ERC1: variants seen among roughly 807,000 people sequenced by gnomAD.
ERC1 encodes RAB6 interacting protein 2.
A neutral mutation model predicts 132.0 loss-of-function variants in ERC1; 56 were observed. The ratio of observed to expected loss-of-function variants is 0.42; its 90% confidence interval spans 0.34 to 0.53. ERC1 has a LOEUF of 0.53. ERC1 is among the 20% of genes least tolerant of loss of function. The probability of loss-of-function intolerance (pLI) is 0.03; values close to 1 mark genes in which losing one functional copy is unlikely to be tolerated. For missense variants in ERC1, 1,202 were observed against 1,349.9 expected (o/e 0.89, Z 1.72); for synonymous variants, 478 against 476.1 (o/e 1.00, Z -0.05).
chr12:999,684 C>T (rs1013344977), intron 1 of ERC1, among the ~76,000 whole-genome samples: 2 of 150,404 alleles, frequency 1.3e-5, no homozygotes, highest in Non-Finnish European at 3.0e-5. Context: ...CAACCTCCGC[C>T]TCCCGGGTTC....
chr12:1,243,773 C>T (rs762769308), intron 13 of ERC1, among the ~76,000 whole-genome samples: 7 of 152,120 alleles, frequency 4.6e-5, no homozygotes, highest in African/African-American at 7.2e-5. Flanking sequence ...ATAGCCCCCA[C>T]GGCAAAGAAT....
chr12:1,377,208 T>C (rs2088037930), intron 16 of ERC1, among the ~76,000 whole-genome samples: 1 of 152,238 alleles, frequency 6.6e-6, no homozygotes. Context: ...AGTAACTGTC[T>C]TTTATTAACT....
intron 11 of ERC1, 66 bp downstream of exon 11, chr12:1,183,487 A>T: frequency 9.3e-7 from 1 of 1,072,026 alleles, no homozygotes; most frequent in Admixed American, 2.5e-5. Flanking sequence ...TAACCTTAGC[A>T]TGTTTATATG....
intron 3 of ERC1, among the ~76,000 whole-genome samples, chr12:1,093,391 T>A (rs1593237762): frequency 2.6e-5 from 4 of 152,286 alleles, no homozygotes; most frequent in South Asian, 2.1e-4. Context: ...CAAGACTTGG[T>A]TAGTGCTGAG....
intron 8 of ERC1, among the ~76,000 whole-genome samples, chr12:1,143,392 TAAATA>T (rs1251132828): frequency 1.3e-5 from 2 of 148,638 alleles, no homozygotes; most frequent in Non-Finnish European, 1.5e-5. Context: ...TCAGACTTCT[TAAATA>T]AAGTGAATGT....
intron 6 of ERC1, among the ~76,000 whole-genome samples, chr12:1,115,324 CT>C (rs1056367003): frequency 8.5e-5 from 13 of 152,062 alleles, no homozygotes; most frequent in Admixed American, 8.5e-4. Context: ...TTAAAAGTGG[CT>C]TTTTAAGATA....
At chr12:1,403,496 C>A (rs1007991390) in intron 16 of ERC1, among the ~76,000 whole-genome samples, 7 of 152,182 alleles carry the variant, frequency 4.6e-5, no homozygotes, top group Admixed American at 2.0e-4. Context: ...AACATCATAA[C>A]TATGCAGGGA....
intron 16 of ERC1, among the ~76,000 whole-genome samples, chr12:1,382,461 A>C (rs1591655452): frequency 6.6e-6 from 1 of 152,172 alleles, no homozygotes; most frequent in African/African-American, 2.4e-5. Flanking sequence ...TTTTTATACA[A>C]ATCTCTTTAT....
At chr12:1,272,946 TAAAAAAAAAAAA>T (rs56750908) in intron 14 of ERC1, among the ~76,000 whole-genome samples, 4 of 87,800 alleles carry the variant, frequency 4.6e-5, no homozygotes, top group East Asian at 4.5e-4. Flanking sequence ...AGACTCCGTC[TAAAAAAAAAAAA>T]AAAAAAAAAA....
At chr12:1,052,975 A>G (rs1972295555) in intron 2 of ERC1, among the ~76,000 whole-genome samples, 1 of 152,180 alleles carries the variant, frequency 6.6e-6, no homozygotes, top group African/African-American at 2.4e-5. Flanking sequence ...TGTCTCGAAA[A>G]AAAAAAAAAT....
intron 17 of ERC1, among the ~76,000 whole-genome samples, 182 bp downstream of exon 17, chr12:1,408,429 A>T (rs1001786): frequency 0.26 from 39,998 of 152,114 alleles, 9,318 homozygotes; most frequent in African/African-American, 0.63. Context: ...TATAGGAAGA[A>T]CTGGATATTT....
chr12:995,516 A>C (rs1027528872), intron 1 of ERC1, among the ~76,000 whole-genome samples: 2 of 152,208 alleles, frequency 1.3e-5, no homozygotes, highest in African/African-American at 2.4e-5. Flanking sequence ...ATGGTAATTC[A>C]TGGAGCATGT....
In ERC1 at chr12:1,109,352, A is replaced by C. The variant is rs113390978; in HGVS notation, c.1162-840A>C. ...GGATTGCTAACATGATAAATAACTT[A>C]ATTATTCCCCCATTTTTCTGCAGTG... On this transcript the variant is annotated intron_variant, in intron 4 of 18. Coordinates refer to ENST00000360905, the MANE Select transcript of ERC1 (RefSeq NM_178040.4). Among the ~76,000 whole-genome samples the C allele has an allele frequency of 4.0e-3, 604 of 152,312 alleles. 1 individual carries two copies. The highest frequency in any genetic ancestry group is 0.014 in the African/African-American group (571 of 41,564).
chr12:1,345,879 A>C (rs566375103), intron 15 of ERC1, among the ~76,000 whole-genome samples: 4 of 152,136 alleles, frequency 2.6e-5, no homozygotes, highest in African/African-American at 7.2e-5. Context: ...TTCTTGTTTT[A>C]TGTTTGCATG....
chr12:1,033,255 C>T (rs775879366), intron 2 of ERC1, among the ~76,000 whole-genome samples: 9 of 152,008 alleles, frequency 5.9e-5, no homozygotes, highest in Non-Finnish European at 1.0e-4. Flanking sequence ...CCAGGATGGT[C>T]TCAATTTCCT....
chr12:1,150,280 C>T (rs1456864181), intron 8 of ERC1, among the ~76,000 whole-genome samples: 1 of 152,196 alleles, frequency 6.6e-6, no homozygotes, highest in Non-Finnish European at 1.5e-5. Context: ...CAACCCCCTA[C>T]CCTCTCTCCC....
chr12:1,367,541 G>A (rs138325240), intron 15 of ERC1, among the ~76,000 whole-genome samples: 4 of 151,992 alleles, frequency 2.6e-5, no homozygotes, highest in East Asian at 1.9e-4. Context: ...CGCTAATTAC[G>A]GTCTCTTATT....
intron 7 of ERC1, among the ~76,000 whole-genome samples, chr12:1,139,926 A>C (rs1949713711): frequency 6.6e-6 from 1 of 152,340 alleles, no homozygotes; most frequent in Middle Eastern, 3.4e-3. Context: ...GAAAGTTCTC[A>C]GGTAGATCTT....
At chr12:1,153,119 G>A (rs1290434844) in intron 8 of ERC1, 1 of 152,200 alleles carries the variant, frequency 6.6e-6, no homozygotes. Context: ...GTCTGTAAAA[G>A]GTCATCTTTC....
Sources: allele counts gnomAD v4.1 joint callset (sites outside exome capture counted in the v4.1 genomes callset), GRCh38; gene constraint gnomAD v4.1.1; transcripts MANE v1.5; gene names NCBI Gene and HGNC (gene_info 2026-07-23, HGNC 2026-07-21).